The following LRRFIP2 variants were observed in gnomAD, a reference collection of about 807,000 sequenced individuals.
LRRFIP2 encodes LRR binding FLII interacting protein 2, also known as leucine-rich repeat flightless-interacting protein 2.
LRRFIP2 carries 109 observed loss-of-function variants against 125.9 expected under a neutral mutation model. The ratio of observed to expected loss-of-function variants is 0.87; its 90% confidence interval spans 0.74 to 1.01. LRRFIP2 has a LOEUF of 1.01. Ranked by LOEUF, LRRFIP2 falls within the 50% of genes least tolerant of loss-of-function variation. LRRFIP2 has a pLI of 0.00. For missense variants in LRRFIP2, 850 were observed against 862.3 expected (o/e 0.99, Z 0.18); for synonymous variants, 291 against 293.1 (o/e 0.99, Z 0.07).
rs566812624 is a variant in LRRFIP2, at chr3:37,168,190, T to C, written c.-56+6349A>G. The stretch of plus-strand genomic sequence containing the variant: ...ACTAGCAATTCCACTTCTGGGTACA[T>C]ACACAAAAGAATTGAATGTGGCACT... On this transcript the variant is annotated intron_variant, in intron 1 of 27. Coordinates refer to ENST00000336686, the MANE Select transcript of LRRFIP2 (RefSeq NM_006309.4). 1.1e-4 allele frequency among the ~76,000 whole-genome samples: 17 copies of C among 152,298 alleles called. No homozygotes were observed. The East Asian group carries it at 2.9e-3, about 26-fold the overall frequency.
intron 1 of LRRFIP2, among the ~76,000 whole-genome samples, chr3:37,172,420 A>C (rs1048487480): frequency 6.6e-6 from 1 of 152,252 alleles, no homozygotes; most frequent in Non-Finnish European, 1.5e-5. Flanking sequence ...AATGAAAGAT[A>C]CAATATATTT....
Position 37,161,713 on chromosome 3 carries a change from C to T in LRRFIP2, c.-55-12675G>A, listed in dbSNP as rs1486806561. Among the ~76,000 whole-genome samples, 3 of 146,442 alleles carry T rather than the reference C, an allele frequency of 2.0e-5. No individual in the cohort carries two copies. In the East Asian group the frequency reaches 6.0e-4, roughly 29 times the overall value. On this transcript the variant is annotated intron_variant, in intron 1 of 27. Transcript: ENST00000336686. Reference sequence around the variant, plus strand: ...TTAAAGGGGTAAATTTTATGACACACGAGTAGTACCTCAATAAAAAAATTA... The same window carrying T: ...TTAAAGGGGTAAATTTTATGACACATGAGTAGTACCTCAATAAAAAAATTA...
chr3:37,168,836 T>C (rs1265402078), intron 1 of LRRFIP2, among the ~76,000 whole-genome samples: 1 of 152,186 alleles, frequency 6.6e-6, no homozygotes, highest in Non-Finnish European at 1.5e-5. Flanking sequence ...TGCCTATTCA[T>C]AGATGTGCTC....
At position 37,075,136 on chromosome 3, in the gene LRRFIP2, A is replaced by G. The variant is rs761529185; in HGVS notation, c.1279-20T>C. 1 of 1,546,948 alleles carries G rather than the reference A, an allele frequency of 6.5e-7. No homozygotes were observed. The highest frequency in any genetic ancestry group is 1.1e-5 in the South Asian group (1 of 89,992). Reference sequence around the variant, plus strand: ...TAACTCCTGTTATTAAACAAATAATATCATTTACACAGGTCATGGCACACA... The same window carrying G: ...TAACTCCTGTTATTAAACAAATAATGTCATTTACACAGGTCATGGCACACA... On this transcript the variant is annotated intron_variant, in intron 19 of 27. Coordinates refer to ENST00000336686, the MANE Select transcript of LRRFIP2 (RefSeq NM_006309.4).
intron 2 of LRRFIP2, chr3:37,134,634 G>C: frequency 1.6e-6 from 1 of 609,052 alleles, no homozygotes; most frequent in Non-Finnish European, 3.2e-6. Context: ...GAGAGAGTGA[G>C]GAGCCAGATG....
At chr3:37,074,931 T>G in intron 20 of LRRFIP2, 93 bp downstream of exon 20, 2 of 791,878 alleles carry the variant, frequency 2.5e-6, no homozygotes, top group Non-Finnish European at 4.3e-6. Flanking sequence ...CAAACTCTGA[T>G]GCATCTTAAC....
chr3:37,151,569 G>A (rs2096024543), intron 1 of LRRFIP2, among the ~76,000 whole-genome samples: 1 of 151,388 alleles, frequency 6.6e-6, no homozygotes, highest in Admixed American at 6.6e-5. Flanking sequence ...AACCACTATG[G>A]AAAACAATAT....
At chr3:37,138,371 T>G (rs1047449209) in intron 2 of LRRFIP2, among the ~76,000 whole-genome samples, 1 of 152,168 alleles carries the variant, frequency 6.6e-6, no homozygotes, top group South Asian at 2.1e-4. Flanking sequence ...GGTCTACAAG[T>G]AGGAGGAACC....
At chr3:37,142,961 T>C (rs970608811) in intron 2 of LRRFIP2, among the ~76,000 whole-genome samples, 1 of 152,144 alleles carries the variant, frequency 6.6e-6, no homozygotes, top group Non-Finnish European at 1.5e-5. Flanking sequence ...ATTTGGGTCA[T>C]CGGGGTGGAT....
In LRRFIP2 at chr3:37,126,943, C is replaced by G. The variant is rs2095299177; in HGVS notation, c.228+687G>C. ...GTGGTTCTTAACCCTTTAGGAATTA[C>G]AGACTACTTTGAGAATCTGACAATA... On this transcript the variant is annotated intron_variant, in intron 4 of 27. Coordinates refer to ENST00000336686, the MANE Select transcript of LRRFIP2 (RefSeq NM_006309.4). Among the ~76,000 whole-genome samples the G allele has an allele frequency of 3.3e-5, 5 of 151,458 alleles. No homozygotes were observed. The South Asian group carries it at 1.0e-3, about 31-fold the overall frequency.
At chr3:37,128,141 C>T (rs1016019407) in intron 3 of LRRFIP2, among the ~76,000 whole-genome samples, 1 of 152,118 alleles carries the variant, frequency 6.6e-6, no homozygotes, top group Non-Finnish European at 1.5e-5. Context: ...TGAAACTATA[C>T]ATGAGGTTAA....
intron 19 of LRRFIP2, 122 bp from the exon 20 acceptor site, chr3:37,075,238 G>A (rs2091862777): frequency 1.9e-6 from 1 of 522,406 alleles, no homozygotes; most frequent in South Asian, 3.9e-5. Flanking sequence ...CTGATTCATA[G>A]TAACTTAGAA....
chr3:37,163,560 T>C (rs1452295657), intron 1 of LRRFIP2, among the ~76,000 whole-genome samples: 1 of 152,174 alleles, frequency 6.6e-6, no homozygotes, highest in African/African-American at 2.4e-5. Flanking sequence ...AGTCCCTCAA[T>C]GACTCTGTGG....
intron 17 of LRRFIP2, among the ~76,000 whole-genome samples, chr3:37,092,619 A>G (rs2093506550): frequency 6.6e-6 from 1 of 152,234 alleles, no homozygotes; most frequent in Admixed American, 6.5e-5. Flanking sequence ...AGAATGCAGT[A>G]GCTAAAGGCA....
In LRRFIP2 at chr3:37,066,340, G is replaced by C. The variant is rs199718641; in HGVS notation, c.1465-15C>G. ...TTCTCTAGGGCCTGGTTTTAGGTAAGGTAGCAAGGGAAACAATGGCACAGA... is the reference window on the plus strand; with the variant it reads ...TTCTCTAGGGCCTGGTTTTAGGTAACGTAGCAAGGGAAACAATGGCACAGA... On this transcript the variant is annotated splice_polypyrimidine_tract_variant and intron_variant, in intron 21 of 27. Coordinates refer to ENST00000336686, the MANE Select transcript of LRRFIP2 (RefSeq NM_006309.4). 4.1e-5 allele frequency: 65 copies of C among 1,597,086 alleles called. No individual in the cohort carries two copies. In the East Asian group the frequency reaches 1.5e-3, roughly 36 times the overall value.
At chr3:37,160,929 A>C (rs1165652351) in intron 1 of LRRFIP2, among the ~76,000 whole-genome samples, 1 of 152,226 alleles carries the variant, frequency 6.6e-6, no homozygotes, top group African/African-American at 2.4e-5. Context: ...TTGTAACGGA[A>C]TATTCACAGT....
At chr3:37,079,686 T>A (rs1196688314) in intron 19 of LRRFIP2, among the ~76,000 whole-genome samples, 1 of 152,122 alleles carries the variant, frequency 6.6e-6, no homozygotes, top group Non-Finnish European at 1.5e-5. Flanking sequence ...TGTCAATCAA[T>A]GCACAAATGG....
chr3:37,132,035 A>G (rs2095440136), intron 2 of LRRFIP2, among the ~76,000 whole-genome samples: 2 of 152,194 alleles, frequency 1.3e-5, no homozygotes, highest in Non-Finnish European at 2.9e-5. Flanking sequence ...GTTTTCTCCC[A>G]TGAATTTTAC....
At chr3:37,063,952 A>G in intron 23 of LRRFIP2, 161 bp from the exon 24 acceptor site, 1 of 591,804 alleles carries the variant, frequency 1.7e-6, no homozygotes, top group Non-Finnish European at 3.0e-6. Context: ...GCATTACAGA[A>G]AAGTTCTTAA....
Sources: gnomAD v4.1 joint callset for allele counts (sites outside exome capture counted in the v4.1 genomes callset) on GRCh38, gnomAD v4.1.1 for gene constraint, MANE v1.5 for transcripts, NCBI Gene and HGNC (gene_info 2026-07-23, HGNC 2026-07-21) for gene names.